GPC5: variants seen among roughly 807,000 people sequenced by gnomAD.
GPC5 encodes the protein glypican 5.
A neutral mutation model predicts 53.9 loss-of-function variants in GPC5; 47 were observed. The ratio of observed to expected loss-of-function variants is 0.87; its 90% CI spans 0.69 to 1.11. The LOEUF (loss-of-function observed/expected upper bound fraction) is 1.11, where lower values mean the gene tolerates loss of function less well. Ranked by LOEUF, GPC5 falls within the 50% of genes most tolerant of loss-of-function variation. The pLI, the probability that GPC5 is intolerant of heterozygous loss-of-function variation, is 0.00. For missense variants in GPC5, 748 were observed against 713.1 expected, an observed-to-expected ratio of 1.05 and a Z score of -0.56; for synonymous variants, 286 against 263.3, an observed-to-expected ratio of 1.09 and a Z score of -0.84.
intron 6 of GPC5, among the ~76,000 whole-genome samples, chr13:92,048,204 C>A (rs1180464039): frequency 6.6e-6 from 1 of 151,882 alleles, no homozygotes; most frequent in Non-Finnish European, 1.5e-5. Flanking sequence ...GTGGTAATTA[C>A]TGAATTATAT....
At chr13:92,009,343 G>T (rs529044166) in intron 6 of GPC5, among the ~76,000 whole-genome samples, 1 of 150,744 alleles carries the variant, frequency 6.6e-6, no homozygotes, top group African/African-American at 2.4e-5. Context: ...AGATCAGCTT[G>T]ATTTTATTTC....
intron 7 of GPC5, among the ~76,000 whole-genome samples, chr13:92,527,131 A>G (rs1455401578): frequency 8.3e-6 from 1 of 120,516 alleles, no homozygotes; most frequent in Non-Finnish European, 1.8e-5. Flanking sequence ...AAAGAAAGAA[A>G]GAAAGAAAGA....
At chr13:92,249,644 G>A (rs2042677932) in intron 7 of GPC5, among the ~76,000 whole-genome samples, 1 of 152,076 alleles carries the variant, frequency 6.6e-6, no homozygotes, top group South Asian at 2.1e-4. Flanking sequence ...TTTTTAGTGG[G>A]GGGGTTGATG....
Position 92,478,758 on chromosome 13 carries a change from G to T in GPC5, c.1561+333769G>T, listed in dbSNP as rs566170123. ...GGGACATAAAGAGTCCCACCGCAGG[G>T]CTTGAATTTATAGGAATCTATCCAG... is the stretch of plus-strand genomic sequence containing the variant. On this transcript the variant is annotated intron_variant, in intron 7 of 7. Coordinates refer to ENST00000377067, the MANE Select transcript of GPC5 (RefSeq NM_004466.6). 2.6e-5 allele frequency among the ~76,000 whole-genome samples: 4 copies of T among 152,272 alleles called. No homozygotes were observed. In the South Asian group the frequency reaches 8.3e-4, roughly 32 times the overall value.
chr13:91,489,626 C>G (rs1169191684), intron 2 of GPC5, among the ~76,000 whole-genome samples: 1 of 152,112 alleles, frequency 6.6e-6, no homozygotes, highest in Non-Finnish European at 1.5e-5. Flanking sequence ...TTCAACTTTT[C>G]TTTGTTTATT....
At chr13:92,228,451 A>C (rs574325572) in intron 7 of GPC5, among the ~76,000 whole-genome samples, 2 of 152,274 alleles carry the variant, frequency 1.3e-5, no homozygotes, top group Admixed American at 1.3e-4. Flanking sequence ...TTACACATTT[A>C]ATAGTCTTAA....
chr13:92,033,036 C>CTCGTGTGT (rs1491249102), intron 6 of GPC5, among the ~76,000 whole-genome samples: 1 of 138,992 alleles, frequency 7.2e-6, no homozygotes, highest in African/African-American at 2.7e-5. Flanking sequence ...TAGTTATTGT[C>CTCGTGTGT]GTGTGTGTGT....
At chr13:91,900,915 A>G (rs193130601) in intron 5 of GPC5, among the ~76,000 whole-genome samples, 214 of 152,214 alleles carry the variant, frequency 1.4e-3, no homozygotes, top group Non-Finnish European at 2.5e-3. Flanking sequence ...CTGCCACCTG[A>G]CTAAACTGGC....
intron 3 of GPC5, among the ~76,000 whole-genome samples, chr13:91,726,614 T>G (rs183974337): frequency 4.1e-4 from 62 of 152,324 alleles, no homozygotes; most frequent in Non-Finnish European, 7.8e-4. Flanking sequence ...TTCTGGCACC[T>G]ACCCTCTGAG....
At chr13:92,755,986 C>T (rs1262678574) in intron 7 of GPC5, among the ~76,000 whole-genome samples, 2 of 151,662 alleles carry the variant, frequency 1.3e-5, no homozygotes, top group Admixed American at 6.6e-5. Flanking sequence ...TTTATGAGGC[C>T]AGCATCATTC....
chr13:92,101,199 C>G (rs1233680809), intron 6 of GPC5, among the ~76,000 whole-genome samples: 2 of 152,136 alleles, frequency 1.3e-5, no homozygotes, highest in African/African-American at 2.4e-5. Flanking sequence ...ACCACATTCC[C>G]TCTTATTTTT....
At chr13:92,339,874 T>C (rs2043351716) in intron 7 of GPC5, 1 of 152,170 alleles carries the variant, frequency 6.6e-6, no homozygotes, top group Non-Finnish European at 1.5e-5. Context: ...GCTGATTATC[T>C]TGCTATGTCT....
At chr13:92,172,506 T>C (rs553358099) in intron 7 of GPC5, among the ~76,000 whole-genome samples, 1 of 152,360 alleles carries the variant, frequency 6.6e-6, no homozygotes, top group South Asian at 2.1e-4. Flanking sequence ...AGAATCAATT[T>C]TGAAAGAGTT....
intron 5 of GPC5, among the ~76,000 whole-genome samples, chr13:91,872,966 T>C (rs2039163608): frequency 1.3e-5 from 2 of 152,184 alleles, no homozygotes; most frequent in South Asian, 2.1e-4. Flanking sequence ...CATTTCAAAA[T>C]ATTTTATTAA....
intron 7 of GPC5, among the ~76,000 whole-genome samples, chr13:92,767,279 T>A (rs528342526): frequency 6.6e-6 from 1 of 152,248 alleles, no homozygotes; most frequent in East Asian, 1.9e-4. Flanking sequence ...AAGACCAGCC[T>A]GGCCAACATG....
intron 7 of GPC5, among the ~76,000 whole-genome samples, chr13:92,462,871 C>T (rs561428323): frequency 6.6e-6 from 1 of 152,142 alleles, no homozygotes; most frequent in South Asian, 2.1e-4. Context: ...CATGTGCCAC[C>T]ACACTTGGCT....
At chr13:91,701,707 TTAGA>T (rs2035996639) in intron 3 of GPC5, among the ~76,000 whole-genome samples, 1 of 152,122 alleles carries the variant, frequency 6.6e-6, no homozygotes, top group Admixed American at 6.6e-5. Context: ...TGATGGACAC[TTAGA>T]TTGATTCTGT....
chr13:92,658,675 G>T (rs1324560442), intron 7 of GPC5, among the ~76,000 whole-genome samples: 1 of 152,122 alleles, frequency 6.6e-6, no homozygotes, highest in Non-Finnish European at 1.5e-5. Flanking sequence ...GTGATGCAAA[G>T]AAGGAAGAGA....
chr13:91,949,990 T>G (rs2040010857), intron 6 of GPC5, among the ~76,000 whole-genome samples: 1 of 152,166 alleles, frequency 6.6e-6, no homozygotes, highest in South Asian at 2.1e-4. Flanking sequence ...GAGCCTTTGT[T>G]TAGACCGCAT....
Sources: allele counts gnomAD v4.1 joint callset (sites outside exome capture counted in the v4.1 genomes callset), GRCh38; gene constraint gnomAD v4.1.1; transcripts MANE v1.5; gene names NCBI Gene and HGNC (gene_info 2026-07-23, HGNC 2026-07-21).